The following CENPP variants were observed in gnomAD, a reference collection of about 807,000 sequenced individuals.
The protein encoded by CENPP is centromere protein P.
CENPP carries 24 observed loss-of-function variants against 35.6 expected under a neutral mutation model. That is an observed-to-expected ratio of 0.67 (90% confidence interval 0.49 to 0.95). The LOEUF (loss-of-function observed/expected upper bound fraction) is 0.95, where lower values mean the gene tolerates loss of function less well. Among genes scored for constraint, CENPP ranks in the 40% least tolerant of loss-of-function variants. CENPP has a pLI of 0.00. For synonymous variants in CENPP, 120 were observed against 125.5 expected (o/e 0.96, Z 0.29); for missense variants, 332 against 345.3 (o/e 0.96, Z 0.31).
chr9:92,600,589 G>C (rs1197724085), intron 5 of CENPP: 1 of 1,600,182 alleles, frequency 6.2e-7, no homozygotes. Context: ...GAGGGTTCTG[G>C]GGCATCAGTC....
At chr9:92,416,072 T>TATATATATATATATATATATATATATA (rs368634649) in intron 5 of CENPP, among the ~76,000 whole-genome samples, 1 of 125,432 alleles carries the variant, frequency 8.0e-6, no homozygotes, top group Non-Finnish European at 1.7e-5. Flanking sequence ...ATATATATAT[T>TATATATATATATATATATATATATATA]TATTTATTTA....
At chr9:92,609,264 G>A (rs936473465) in intron 5 of CENPP, among the ~76,000 whole-genome samples, 7 of 152,250 alleles carry the variant, frequency 4.6e-5, no homozygotes, top group Non-Finnish European at 1.0e-4. Flanking sequence ...CAGGGTGAGG[G>A]CCTCCCACAC....
chr9:92,393,649 G>A (rs757952885), intron 5 of CENPP, among the ~76,000 whole-genome samples: 3 of 152,154 alleles, frequency 2.0e-5, no homozygotes, highest in Non-Finnish European at 4.4e-5. Flanking sequence ...CCATTAACTT[G>A]AAAATTAGAG....
chr9:92,400,821 C>T lies in CENPP; in HGVS notation c.564+20962C>T, dbSNP rs1293121778. Among the ~76,000 whole-genome samples, 4 of 152,166 alleles carry T rather than the reference C, an allele frequency of 2.6e-5. No homozygotes were observed. The East Asian group carries it at 5.8e-4, about 22-fold the overall frequency. On this transcript the variant is annotated intron_variant, in intron 5 of 7. Transcript: ENST00000375587. ...AAATAATCCGTGTTTAAGTATTTCT[C>T]GAATAGATTTTATATGGATGGAAAC... is the stretch of plus-strand genomic sequence containing the variant.
chr9:92,414,158 AAAG>A (rs1363061192), intron 5 of CENPP: 2 of 172,492 alleles, frequency 1.2e-5, no homozygotes, highest in South Asian at 2.0e-4. Context: ...TTAAGGTTTT[AAAG>A]AAGATGTTAA....
intron 5 of CENPP, chr9:92,505,802 G>T (rs538021770): frequency 1.2e-6 from 1 of 854,334 alleles, no homozygotes; most frequent in Non-Finnish European, 1.8e-6. Context: ...GGCAAATACA[G>T]TTTTTTTTAA....
intron 5 of CENPP, among the ~76,000 whole-genome samples, chr9:92,393,408 G>A (rs1464637445): frequency 1.3e-5 from 2 of 152,142 alleles, no homozygotes; most frequent in Non-Finnish European, 1.5e-5. Context: ...TATTGTGCTT[G>A]ATAATTCACC....
chr9:92,430,016 A>T (rs1844064700), intron 5 of CENPP, among the ~76,000 whole-genome samples: 1 of 152,192 alleles, frequency 6.6e-6, no homozygotes, highest in Admixed American at 6.5e-5. Context: ...AGTGTGTCTG[A>T]GGGGTCAATC....
intron 5 of CENPP, among the ~76,000 whole-genome samples, chr9:92,437,410 TG>T (rs1844273668): frequency 2.7e-5 from 4 of 148,200 alleles, no homozygotes; most frequent in African/African-American, 7.6e-5. Context: ...TCTTTTTTTT[TG>T]TTTTGTTTTT....
chr9:92,390,617 G>A (rs1380965643), intron 5 of CENPP, among the ~76,000 whole-genome samples: 1 of 151,610 alleles, frequency 6.6e-6, no homozygotes, highest in East Asian at 1.9e-4. Context: ...TGTGCATCAC[G>A]TATATCTGGG....
At chr9:92,587,247 A>G (rs767603902) in intron 5 of CENPP, among the ~76,000 whole-genome samples, 5 of 152,194 alleles carry the variant, frequency 3.3e-5, no homozygotes, top group Non-Finnish European at 5.9e-5. Context: ...AGGCAGGCGA[A>G]TCACCTGAGA....
intron 5 of CENPP, among the ~76,000 whole-genome samples, chr9:92,503,676 T>C (rs1467617495): frequency 6.6e-6 from 1 of 152,236 alleles, no homozygotes; most frequent in Non-Finnish European, 1.5e-5. Context: ...AACTGGCATA[T>C]ATCTTTAGTG....
chr9:92,415,250 T>G, intron 5 of CENPP: 1 of 1,613,816 alleles, frequency 6.2e-7, no homozygotes, highest in Non-Finnish European at 8.5e-7. Context: ...TGATCTTCAC[T>G]TTCATCATCA....
chr9:92,544,658 G>T (rs1563996726), intron 5 of CENPP, among the ~76,000 whole-genome samples: 1 of 151,490 alleles, frequency 6.6e-6, no homozygotes, highest in Non-Finnish European at 1.5e-5. Flanking sequence ...CATGAAAAAA[G>T]GGAGAAAGCG....
chr9:92,519,056 AC>A (rs1847903408), intron 5 of CENPP, among the ~76,000 whole-genome samples: 1 of 152,090 alleles, frequency 6.6e-6, no homozygotes, highest in Admixed American at 6.6e-5. Context: ...ATTCCAGATA[AC>A]TTTCCTCCAT....
chr9:92,341,032 C>T (rs967429783), intron 3 of CENPP, among the ~76,000 whole-genome samples: 3 of 152,058 alleles, frequency 2.0e-5, no homozygotes, highest in Non-Finnish European at 2.9e-5. Flanking sequence ...AAAGAGAATA[C>T]GTGCCTGGAG....
intron 5 of CENPP, among the ~76,000 whole-genome samples, chr9:92,600,690 G>T (rs1039281614): frequency 1.3e-5 from 2 of 152,234 alleles, no homozygotes; most frequent in Admixed American, 1.3e-4. Flanking sequence ...GTGCTGCAAT[G>T]ACATTCCAGC....
At chr9:92,439,749 G>T (rs1535755) in intron 5 of CENPP, among the ~76,000 whole-genome samples, 55,275 of 151,580 alleles carry the variant, frequency 0.36, 12,319 homozygotes, top group African/African-American at 0.63. Flanking sequence ...GAGTCTTATT[G>T]GTCTGATCCC....
chr9:92,436,854 A>C (rs547890907), intron 5 of CENPP, among the ~76,000 whole-genome samples: 1 of 152,138 alleles, frequency 6.6e-6, no homozygotes, highest in Admixed American at 6.6e-5. Context: ...TGTTTTGGCT[A>C]TTCTAGTTCC....
Sources: gnomAD v4.1 joint callset for allele counts (sites outside exome capture counted in the v4.1 genomes callset) on GRCh38, gnomAD v4.1.1 for gene constraint, MANE v1.5 for transcripts, NCBI Gene and HGNC (gene_info 2026-07-23, HGNC 2026-07-21) for gene names.